Variants in COX10 observed in about 807,000 individuals in gnomAD.
COX10 encodes protoheme IX farnesyltransferase, mitochondrial.
In COX10, 27 loss-of-function variants were observed where a neutral mutation model predicts 37.3. The observed-to-expected ratio is 0.72, with a 90% confidence interval of 0.53 to 1.00. COX10 has a LOEUF of 1.00. COX10 is among the 50% of genes least tolerant of loss of function. The pLI is 0.00. For missense variants in COX10, 475 were observed against 563.2 expected (o/e 0.84, Z 1.59); for synonymous variants, 222 against 229.1 (o/e 0.97, Z 0.28).
intron 3 of COX10, among the ~76,000 whole-genome samples, chr17:14,081,316 GGGGAAAGAGAACAA>G (rs1409575405): frequency 1.3e-5 from 2 of 152,182 alleles, no homozygotes; most frequent in African/African-American, 4.8e-5. Context: ...AGGCTGTGGT[GGGGAAAGAGAACAA>G]GGGAGAGAGA....
At chr17:14,147,490 C>T (rs1283963883) in intron 4 of COX10, among the ~76,000 whole-genome samples, 1 of 151,910 alleles carries the variant, frequency 6.6e-6, no homozygotes, top group Non-Finnish European at 1.5e-5. Flanking sequence ...AGGACGGTTA[C>T]CAGAGGCTGG....
chr17:14,096,013 G>A (rs188311498), intron 3 of COX10, among the ~76,000 whole-genome samples: 1 of 152,278 alleles, frequency 6.6e-6, no homozygotes, highest in African/African-American at 2.4e-5. Flanking sequence ...GAAGTCCAAG[G>A]TCCAGGGCCG....
chr17:14,180,235 A>G (rs1905815721), intron 5 of COX10, among the ~76,000 whole-genome samples: 2 of 152,092 alleles, frequency 1.3e-5, no homozygotes, highest in Admixed American at 6.5e-5. Flanking sequence ...GTGTGTATAT[A>G]TTGCTAATGT....
chr17:14,155,189 G>T (rs192911693), intron 4 of COX10, among the ~76,000 whole-genome samples: 24 of 152,240 alleles, frequency 1.6e-4, no homozygotes, highest in Admixed American at 6.5e-4. Flanking sequence ...AATCAGAGCC[G>T]ATTCTAAAGA....
chr17:14,095,322 T>C, intron 3 of COX10, among the ~76,000 whole-genome samples: 1 of 152,180 alleles, frequency 6.6e-6, no homozygotes. Flanking sequence ...TGCTTAAAAG[T>C]AATGAAGCCC....
At chr17:14,092,830 C>T (rs1451822196) in intron 3 of COX10, among the ~76,000 whole-genome samples, 2 of 152,120 alleles carry the variant, frequency 1.3e-5, no homozygotes, top group East Asian at 3.8e-4. Flanking sequence ...TAACTCCTTC[C>T]TCTGAATTAA....
chr17:14,095,869 C>T (rs1915638531), intron 3 of COX10, among the ~76,000 whole-genome samples: 2 of 152,182 alleles, frequency 1.3e-5, no homozygotes, highest in Admixed American at 6.5e-5. Flanking sequence ...ACATGGCCCT[C>T]ATAAGCAGTT....
At chr17:14,174,520 A>G (rs1336956714) in intron 5 of COX10, among the ~76,000 whole-genome samples, 2 of 152,096 alleles carry the variant, frequency 1.3e-5, no homozygotes, top group Admixed American at 6.6e-5. Flanking sequence ...GAAGAAATAC[A>G]GGCGTTAAAT....
intron 5 of COX10, among the ~76,000 whole-genome samples, chr17:14,183,569 G>T (rs1237841216): frequency 6.6e-6 from 1 of 152,220 alleles, no homozygotes; most frequent in African/African-American, 2.4e-5. Flanking sequence ...AACATGTTTT[G>T]TATGTGATCA....
In COX10 at chr17:14,141,323, T is replaced by C. The variant is rs569815273; in HGVS notation, c.625-18554T>C. ...GGGAGGACGAGGTGGGCAGATTGCC[T>C]GAGCTCAGGAGTTGGAGACCAGCCT... is the stretch of plus-strand genomic sequence containing the variant. On this transcript the variant is annotated intron_variant, in intron 4 of 6. Transcript: ENST00000261643. Among the ~76,000 whole-genome samples, 3 of 152,006 alleles carry C rather than the reference T, an allele frequency of 2.0e-5. No individual in the cohort carries two copies. In the East Asian group the frequency reaches 5.8e-4, roughly 29 times the overall value.
chr17:14,102,309 T>A, intron 4 of COX10, 67 bp downstream of exon 4: 1 of 1,584,428 alleles, frequency 6.3e-7, no homozygotes, highest in Non-Finnish European at 8.6e-7. Context: ...TATTGTCATA[T>A]TTTTAAATAC....
chr17:14,086,765 G>C (rs1915416981), intron 3 of COX10, among the ~76,000 whole-genome samples: 1 of 151,654 alleles, frequency 6.6e-6, no homozygotes, highest in African/African-American at 2.4e-5. Context: ...TTCCCTAATT[G>C]GTATATCTTC....
intron 4 of COX10, among the ~76,000 whole-genome samples, chr17:14,115,346 A>G (rs1284757070): frequency 6.6e-6 from 1 of 152,174 alleles, no homozygotes; most frequent in Non-Finnish European, 1.5e-5. Context: ...AATAATCACC[A>G]GTCAGAGTGG....
intron 4 of COX10, among the ~76,000 whole-genome samples, chr17:14,143,240 A>G (rs1222892708): frequency 1.3e-5 from 2 of 152,150 alleles, no homozygotes; most frequent in Non-Finnish European, 2.9e-5. Flanking sequence ...TAATGCAAAT[A>G]CCATTATTTA....
At chr17:14,154,219 T>C (rs898889086) in intron 4 of COX10, among the ~76,000 whole-genome samples, 1 of 152,166 alleles carries the variant, frequency 6.6e-6, no homozygotes, top group African/African-American at 2.4e-5. Context: ...GTTTCATGGG[T>C]AAATACATAA....
chr17:14,113,941 G>A (rs575126752), intron 4 of COX10, among the ~76,000 whole-genome samples: 7 of 152,192 alleles, frequency 4.6e-5, no homozygotes, highest in East Asian at 3.9e-4. Flanking sequence ...GAGGCGTTAC[G>A]ACAATGTATA....
At chr17:14,155,388 G>T (rs889732754) in intron 4 of COX10, among the ~76,000 whole-genome samples, 2 of 151,366 alleles carry the variant, frequency 1.3e-5, no homozygotes, top group East Asian at 3.9e-4. Flanking sequence ...CCAGGAGAAA[G>T]ATGGGGCTGC....
At position 14,145,301 on chromosome 17, in the gene COX10, G is replaced by A. The variant is rs192493037; in HGVS notation, c.625-14576G>A. Among the ~76,000 whole-genome samples the A allele has an allele frequency of 5.7e-3, 862 of 152,254 alleles. 5 individuals carry two copies. The highest frequency in any genetic ancestry group is 9.9e-3 in the Non-Finnish European group (674 of 68,000). ...ACTAGAGAGCACATTTGAAGTTTGT[G>A]GTTGTGTACTTGTAATGAATCCTCT... On this transcript the variant is annotated intron_variant, in intron 4 of 6. Transcript: ENST00000261643.
At chr17:14,188,486 A>G (rs1906107193) in intron 5 of COX10, among the ~76,000 whole-genome samples, 1 of 151,192 alleles carries the variant, frequency 6.6e-6, no homozygotes, top group Non-Finnish European at 1.5e-5. Flanking sequence ...TAAAAAAAAA[A>G]AACTATTTCT....
Sources: gnomAD v4.1 joint callset for allele counts (sites outside exome capture counted in the v4.1 genomes callset) on GRCh38, gnomAD v4.1.1 for gene constraint, MANE v1.5 for transcripts, NCBI Gene and HGNC (gene_info 2026-07-23, HGNC 2026-07-21) for gene names.